The following ZNF592 variants were observed in gnomAD, a reference collection of about 807,000 sequenced individuals.
The protein encoded by ZNF592 is spinocerebellar ataxia, autosomal recessive 5.
A neutral mutation model predicts 80.3 loss-of-function variants in ZNF592; 11 were observed. The observed-to-expected ratio is 0.14, with a 90% CI of 0.09 to 0.23. ZNF592 has a LOEUF of 0.23. Among genes scored for constraint, ZNF592 ranks in the 10% least tolerant of loss-of-function variants. The probability of loss-of-function intolerance (pLI) is 1.00; values close to 1 mark genes in which losing one functional copy is unlikely to be tolerated. For synonymous variants in ZNF592, 646 were observed against 640.3 expected, an observed-to-expected ratio of 1.01 and a Z score of -0.13; for missense variants, 1,420 against 1,633.9, an observed-to-expected ratio of 0.87 and a Z score of 2.26.
intron 1 of ZNF592, among the ~76,000 whole-genome samples, chr15:84,763,106 C>G (rs973993587): frequency 9.9e-5 from 15 of 152,158 alleles, no homozygotes; most frequent in African/African-American, 3.4e-4. Context: ...GAAAACTGAC[C>G]TGCTGGTTTG....
chr15:84,797,151 G>C (rs1215346985), intron 5 of ZNF592, among the ~76,000 whole-genome samples: 1 of 152,138 alleles, frequency 6.6e-6, no homozygotes, highest in Non-Finnish European at 1.5e-5. Context: ...GTAGAAACAG[G>C]GTTTTGCTAT....
In ZNF592 at chr15:84,802,378, G is replaced by A; in HGVS notation, c.3789G>A (p.Leu1263=). Reference sequence around the variant, plus strand: ...CTCAGGACCAGGACAGCCACACACTGTCCCCTCAGGTGTGACCGGAGACTT... The same window carrying A: ...CTCAGGACCAGGACAGCCACACACTATCCCCTCAGGTGTGACCGGAGACTT... ...QASQDQDSHT[L]SPQV The change falls in exon 11 of 11, where the codon CTG becomes CTA. Residue 1263 remains leucine, a synonymous_variant. Coordinates refer to ENST00000560079, the MANE Select transcript of ZNF592 (RefSeq NM_014630.3). 6.2e-7 allele frequency: 1 copy of A among 1,613,622 alleles called. No homozygotes were observed.
intron 1 of ZNF592, among the ~76,000 whole-genome samples, chr15:84,755,457 G>A (rs933323337): frequency 9.9e-5 from 15 of 151,980 alleles, no homozygotes; most frequent in African/African-American, 3.4e-4. Flanking sequence ...TAGTCCAGAG[G>A]TGGCGTTAAG....
Position 84,804,126 on chromosome 15 carries a change from C to T in ZNF592, c.*1733C>T, listed in dbSNP as rs1215552374. ...CAGAGAGACTCTCGCTGTCTGCACC[C>T]TTTTAATAATTGCTCTTCCTGGCAA... is the stretch of plus-strand genomic sequence containing the variant. On this transcript the variant is annotated 3_prime_UTR_variant, in exon 11 of 11. Coordinates refer to ENST00000560079, the MANE Select transcript of ZNF592 (RefSeq NM_014630.3). The T allele has an allele frequency of 5.9e-5, 9 of 152,214 alleles. No individual in the cohort carries two copies. The highest frequency in any genetic ancestry group is 5.9e-4 in the Admixed American group (9 of 15,286). The allele number at this position is 152,214 out of a possible 1,614,324, so 9.4% of individuals were successfully genotyped here.
At chr15:84,765,535 G>GTTTTTTTTT (rs71453265) in intron 2 of ZNF592, among the ~76,000 whole-genome samples, 85 of 92,264 alleles carry the variant, frequency 9.2e-4, no homozygotes, top group Admixed American at 1.2e-3. Flanking sequence ...TGTTATTATT[G>GTTTTTTTTT]TTTTTTTTTT....
chr15:84,756,909 C>G lies in ZNF592; in HGVS notation c.-258-7798C>G, dbSNP rs912497694. On this transcript the variant is annotated intron_variant, in intron 1 of 10. Transcript: ENST00000560079. Reference sequence around the variant, plus strand: ...GGTGGATCACTTGAGGTCAGGAGTTCGAGACCAGCCTGGTCAACATGGTGA... The same window carrying G: ...GGTGGATCACTTGAGGTCAGGAGTTGGAGACCAGCCTGGTCAACATGGTGA... Among the ~76,000 whole-genome samples the G allele has an allele frequency of 2.0e-5, 3 of 151,802 alleles. No homozygotes were observed. In the East Asian group the frequency reaches 5.8e-4, roughly 29 times the overall value.
Position 84,799,787 on chromosome 15 carries a change from C to A in ZNF592, c.3138-55C>A, listed in dbSNP as rs1019059993. On this transcript the variant is annotated intron_variant, in intron 9 of 10. Coordinates refer to ENST00000560079, the MANE Select transcript of ZNF592 (RefSeq NM_014630.3). The surrounding 1 kb of genome is among the most constrained non-coding windows in gnomAD (Gnocchi z 4.2). ...CTTCCTGGCCTTGGTGTGAATAGCA[C>A]TGAGGGAGCCTGCGGCCCGGGCACT... is the stretch of plus-strand genomic sequence containing the variant. 1.4e-5 allele frequency: 23 copies of A among 1,610,070 alleles called. No homozygotes were observed. Among genetic ancestry groups the A allele is most frequent in the Non-Finnish European group, 1.9e-5 (22 of 1,179,798 alleles).
At chr15:84,793,045 A>G (rs1387488700) in intron 5 of ZNF592, among the ~76,000 whole-genome samples, 2 of 152,124 alleles carry the variant, frequency 1.3e-5, no homozygotes, top group Non-Finnish European at 2.9e-5. Context: ...CAACACTTAA[A>G]TATTTATCTT....
At position 84,764,759 on chromosome 15, in the gene ZNF592, G is replaced by A. The variant is rs914101589; in HGVS notation, c.-206G>A. 2.8e-5 allele frequency: 11 copies of A among 398,814 alleles called. No individual in the cohort carries two copies. Among genetic ancestry groups the A allele is most frequent in the Middle Eastern group, 6.3e-4 (1 of 1,588 alleles). 24.7% of individuals were successfully genotyped at this position (398,814 alleles called of 1,614,324 possible). On this transcript the variant is annotated 5_prime_UTR_variant, in exon 2 of 11. Coordinates refer to ENST00000560079, the MANE Select transcript of ZNF592 (RefSeq NM_014630.3). ...CTAGGTAGAAGTTTTTCCTTTCTCC[G>A]CAGCTCTGCTCCCCTAGCAACGCTC...
chr15:84,794,178 C>T (rs973240677), intron 5 of ZNF592, among the ~76,000 whole-genome samples: 3 of 152,024 alleles, frequency 2.0e-5, no homozygotes, highest in African/African-American at 7.3e-5. Flanking sequence ...CACCATGGCA[C>T]GTGTATACCT....
At chr15:84,751,741 C>T (rs1454487615) in intron 1 of ZNF592, among the ~76,000 whole-genome samples, 1 of 151,836 alleles carries the variant, frequency 6.6e-6, no homozygotes, top group South Asian at 2.1e-4. Flanking sequence ...CCTGTCTCTA[C>T]TAAAAATATA....
At chr15:84,785,143 C>G (rs1050044265) in intron 4 of ZNF592, among the ~76,000 whole-genome samples, 5 of 152,180 alleles carry the variant, frequency 3.3e-5, no homozygotes, top group African/African-American at 9.7e-5. Context: ...AACTTCCCCT[C>G]AAAGGGTCTG....
rs764377162 is a variant in ZNF592, at chr15:84,798,600, G to A, written c.2749G>A (p.Val917Ile). The change falls in exon 8 of 11, where the codon GTT becomes ATT. Residue 917 changes from valine (V) to isoleucine (I), a missense_variant. Val to Ile is a conservative substitution (Grantham distance 29). Around this residue, in one of 7 missense-constraint regions of ZNF592, gnomAD observed 331 missense variants for 347.0 expected, o/e 0.95. Transcript: ENST00000560079. The surrounding 1 kb of genome is among the most constrained non-coding windows in gnomAD (Gnocchi z 4.5). ...TCCCCATCCCCAGAGCACCCACGGT[G>A]TTCCCCGAAATGTGGACGAGCTGTC... ...LMQHVKSTHG[V>I]PRNVDELSSL... The A allele has an allele frequency of 4.3e-6, 7 of 1,614,022 alleles. No homozygotes were observed. Among genetic ancestry groups the A allele is most frequent in the African/African-American group, 1.3e-5 (1 of 74,932 alleles).
chr15:84,771,682 T>G (rs1385875937), intron 2 of ZNF592, among the ~76,000 whole-genome samples: 4 of 152,320 alleles, frequency 2.6e-5, no homozygotes, highest in African/African-American at 9.6e-5. Context: ...TGTTTTTGCC[T>G]GAGCCCACTG....
chr15:84,787,965 A>G (rs1962636584), intron 4 of ZNF592, among the ~76,000 whole-genome samples: 1 of 152,220 alleles, frequency 6.6e-6, no homozygotes, highest in African/African-American at 2.4e-5. Context: ...AGCATTTTCC[A>G]GAACAATTCT....
At chr15:84,774,529 A>G (rs1018700435) in intron 2 of ZNF592, among the ~76,000 whole-genome samples, 1 of 152,244 alleles carries the variant, frequency 6.6e-6, no homozygotes, top group Non-Finnish European at 1.5e-5. Context: ...TTATGAAAGC[A>G]TAAATCACTA....
chr15:84,784,761 G>A lies in ZNF592; in HGVS notation c.2086G>A (p.Ala696Thr). The change falls in exon 4 of 11, where the codon GCC becomes ACC. Residue 696 changes from alanine to threonine, a missense_variant. This residue lies in a region of ZNF592 where 524 missense variants were observed against 628.3 expected (regional missense o/e 0.83). Coordinates refer to ENST00000560079, the MANE Select transcript of ZNF592 (RefSeq NM_014630.3). The surrounding 1 kb of genome is among the most constrained non-coding windows in gnomAD (Gnocchi z 5.8). ...GGGCAGTGCCAGTCCCCCTCCTCCA[G>A]CCTTGCCACTCTACCCAGACCCTGT... ...TSGSASPPPP[A>T]LPLYPDPVRL... 6.2e-7 allele frequency: 1 copy of A among 1,614,032 alleles called. No homozygotes were observed. Among genetic ancestry groups the A allele is most frequent in the Non-Finnish European group, 8.5e-7 (1 of 1,180,008 alleles).
chr15:84,770,686 G>A (rs919618883), intron 2 of ZNF592, among the ~76,000 whole-genome samples: 1 of 151,754 alleles, frequency 6.6e-6, no homozygotes, highest in Non-Finnish European at 1.5e-5. Context: ...AATCACCTGG[G>A]AAGCTTTAAA....
At position 84,768,874 on chromosome 15, in the gene ZNF592, G is replaced by A. The variant is rs75962692; in HGVS notation, c.-150+4059G>A. Among the ~76,000 whole-genome samples the A allele has an allele frequency of 6.8e-3, 1,037 of 152,316 alleles. 6 individuals are homozygous for A. The highest frequency in any genetic ancestry group is 0.01 in the Non-Finnish European group (698 of 68,028). ...GTTTGATTCATAATAAGCCCACTTG[G>A]GAATCTGTGATTATCTTGAACAATC... On this transcript the variant is annotated intron_variant, in intron 2 of 10. Coordinates refer to ENST00000560079, the MANE Select transcript of ZNF592 (RefSeq NM_014630.3).
Sources: allele counts gnomAD v4.1 joint callset (sites outside exome capture counted in the v4.1 genomes callset), GRCh38; gene constraint gnomAD v4.1.1; regional missense constraint gnomAD v4.1.1; non-coding constraint Gnocchi (gnomAD v3.1); transcripts MANE v1.5; gene names NCBI Gene and HGNC (gene_info 2026-07-23, HGNC 2026-07-21).